The following RBL2 variants were observed in gnomAD, a reference collection of about 807,000 sequenced individuals.
The protein encoded by RBL2 is retinoblastoma-like protein 2.
A neutral mutation model predicts 126.0 loss-of-function variants in RBL2; 56 were observed. That is an observed-to-expected ratio of 0.44 (90% CI 0.36 to 0.56). The LOEUF (loss-of-function observed/expected upper bound fraction) is 0.56, where lower values mean the gene tolerates loss of function less well. RBL2 is among the 20% of genes least tolerant of loss of function. The probability of loss-of-function intolerance (pLI) is 0.00; values close to 1 mark genes in which losing one functional copy is unlikely to be tolerated. For synonymous variants in RBL2, 454 were observed against 478.5 expected (o/e 0.95, Z 0.67); for missense variants, 1,229 against 1,398.2 (o/e 0.88, Z 1.93).
Position 53,465,487 on chromosome 16 carries a change from T to C in RBL2, c.1748T>C (p.Val583Ala). ...RAEDGLCREV[V>A]KHLNQIEEQI... ...GAAGATGGCCTTTGTAGAGAGGTGGTAAAACACCTTAATCAGATTGAAGAA... is the reference window on the plus strand; with the variant it reads ...GAAGATGGCCTTTGTAGAGAGGTGGCAAAACACCTTAATCAGATTGAAGAA... The change falls in exon 13 of 22, where the codon GTA becomes GCA. Residue 583 changes from valine to alanine, a missense_variant. Val to Ala is a moderately conservative substitution (Grantham distance 64). This residue lies in a region of RBL2 where 1,070 missense variants were observed against 1,274.3 expected (regional missense o/e 0.84). Transcript: ENST00000262133. The C allele has an allele frequency of 1.3e-6, 2 of 1,591,552 alleles. No individual in the cohort carries two copies. The highest frequency in any genetic ancestry group is 8.5e-7 in the Non-Finnish European group (1 of 1,169,724).
intron 14 of RBL2, among the ~76,000 whole-genome samples, chr16:53,467,945 C>G (rs559153934): frequency 6.6e-6 from 1 of 152,310 alleles, no homozygotes; most frequent in Non-Finnish European, 1.5e-5. Context: ...GTATGTTCCA[C>G]TTTGTTGAGC....
intron 21 of RBL2, chr16:53,487,633 T>C (rs773301085): frequency 6.6e-6 from 1 of 152,124 alleles, no homozygotes; most frequent in Non-Finnish European, 1.5e-5. Flanking sequence ...TATGGGAAAA[T>C]TTTATATACA....
chr16:53,436,585 G>A (rs2057960618), intron 1 of RBL2, among the ~76,000 whole-genome samples: 1 of 152,168 alleles, frequency 6.6e-6, no homozygotes, highest in Non-Finnish European at 1.5e-5. Context: ...GACAATATGG[G>A]ATGTCATTCT....
chr16:53,441,521 A>G (rs2058016133), intron 2 of RBL2, among the ~76,000 whole-genome samples: 1 of 152,244 alleles, frequency 6.6e-6, no homozygotes, highest in Non-Finnish European at 1.5e-5. Context: ...GTTCATATGA[A>G]AGAATGTTTT....
At position 53,479,938 on chromosome 16, in the gene RBL2, G is replaced by A. The variant is rs767491887; in HGVS notation, c.2828G>A (p.Ser943Asn). ...AAAAGAAAAAGAAGAAATTCTGGCA[G>A]CAGTGATAGCAGAAGCCATCAGAAT... ...KGKRKRRNSGSSDSRSHQNSP... is the reference protein window; with the variant it reads ...KGKRKRRNSGNSDSRSHQNSP... The change falls in exon 19 of 22, where the codon AGC becomes AAC. Residue 943 changes from serine (S) to asparagine (N), a missense_variant. Around this residue, in one of 2 missense-constraint regions of RBL2, gnomAD observed 1,070 missense variants for 1,274.3 expected, o/e 0.84. Transcript: ENST00000262133. 6.2e-7 allele frequency: 1 copy of A among 1,611,892 alleles called. No individual in the cohort carries two copies. The highest frequency in any genetic ancestry group is 1.3e-5 in the African/African-American group (1 of 74,808).
intron 14 of RBL2, among the ~76,000 whole-genome samples, chr16:53,468,726 C>A (rs1274918735): frequency 6.6e-6 from 1 of 152,138 alleles, no homozygotes; most frequent in African/African-American, 2.4e-5. Context: ...TTAGGATTTA[C>A]TCCTATCAGT....
At chr16:53,487,449 C>T (rs1041264765) in intron 21 of RBL2, among the ~76,000 whole-genome samples, 1 of 152,110 alleles carries the variant, frequency 6.6e-6, no homozygotes, top group African/African-American at 2.4e-5. Flanking sequence ...GAAAGGATAG[C>T]CTTTTCAACA....
intron 4 of RBL2, 63 bp downstream of exon 4, chr16:53,447,169 T>C: frequency 1.1e-6 from 1 of 940,222 alleles, no homozygotes; most frequent in South Asian, 1.6e-5. Context: ...GGTATTAATT[T>C]TGTCAACTTC....
intron 21 of RBL2, among the ~76,000 whole-genome samples, chr16:53,485,235 A>G (rs1961119604): frequency 6.6e-6 from 1 of 152,226 alleles, no homozygotes; most frequent in Non-Finnish European, 1.5e-5. Context: ...TCACTATCAC[A>G]ATGGCATTAA....
At chr16:53,442,604 G>C in intron 2 of RBL2, 54 bp from the exon 3 acceptor site, 2 of 1,312,274 alleles carry the variant, frequency 1.5e-6, no homozygotes, top group South Asian at 1.3e-5. Context: ...ACTTACTTTT[G>C]TATACTTTAG....
intron 1 of RBL2, among the ~76,000 whole-genome samples, 163 bp from the exon 2 acceptor site, chr16:53,438,843 CAAAAAAAAAA>C (rs11302382): frequency 1.6e-4 from 5 of 30,532 alleles, no homozygotes; most frequent in African/African-American, 3.8e-4. Context: ...GATTCCATCT[CAAAAAAAAAA>C]AAAAAAAAAA....
At chr16:53,457,542 A>T (rs1028891557) in intron 8 of RBL2, among the ~76,000 whole-genome samples, 3 of 151,908 alleles carry the variant, frequency 2.0e-5, no homozygotes, top group Non-Finnish European at 4.4e-5. Flanking sequence ...TATAGGCGTG[A>T]GCCACCATGC....
intron 8 of RBL2, among the ~76,000 whole-genome samples, chr16:53,459,249 A>G (rs1056848696): frequency 6.6e-6 from 1 of 152,208 alleles, no homozygotes; most frequent in Non-Finnish European, 1.5e-5. Flanking sequence ...TCGTCTTCAC[A>G]TGGATATTGG....
At chr16:53,479,258 A>C in intron 18 of RBL2, 33 bp downstream of exon 18, 1 of 1,574,304 alleles carries the variant, frequency 6.4e-7, no homozygotes, top group Non-Finnish European at 8.7e-7. Context: ...CTGAAAAATA[A>C]AGCTTAAAGT....
At chr16:53,470,692 T>C (rs754319243) in intron 16 of RBL2, 29 bp downstream of exon 16, 61 of 1,612,712 alleles carry the variant, frequency 3.8e-5, no homozygotes, top group Non-Finnish European at 4.8e-5. Flanking sequence ...TATCAGAGCA[T>C]GAGCTTGGGA....
chr16:53,461,944 T>A, intron 10 of RBL2, 94 bp downstream of exon 10: 1 of 1,166,620 alleles, frequency 8.6e-7, no homozygotes. Flanking sequence ...AAAAGATTTA[T>A]GACTTTAGAC....
chr16:53,470,058 T>C lies in RBL2; in HGVS notation c.2118T>C (p.Ala706=). 6.2e-7 allele frequency: 1 copy of C among 1,614,256 alleles called. No homozygotes were observed. The highest frequency in any genetic ancestry group is 8.5e-7 in the Non-Finnish European group (1 of 1,180,026). ...GRMPPQPLVN[A]VPVQNVSGET... ...TGCCCCCACAGCCCCTAGTCAATGC[T>C]GTCCCTGTGCAGAATGTATCTGGGG... Residue 706 remains alanine, a synonymous_variant, in exon 15 of 22, where the codon GCT becomes GCC. Transcript: ENST00000262133.
rs1333197034 is a variant in RBL2 at position 53,434,600 on chromosome 16, C to G, written c.44C>G (p.Pro15Arg). The G allele has an allele frequency of 1.9e-6, 3 of 1,550,394 alleles. No individual in the cohort carries two copies. Among genetic ancestry groups the G allele is most frequent in the Non-Finnish European group, 2.6e-6 (3 of 1,157,412 alleles). ...GDQSPPPPPP[P>R]PAAAASDEEE... ...CAGTCGCCACCGCCCCCGCCTCCCC[C>G]TCCGGCGGCGGCAGCCTCGGATGAG... The change falls in exon 1 of 22, where the codon CCT (proline) becomes CGT (arginine). Residue 15 changes from proline (P) to arginine (R), a missense_variant. Physicochemically the swap from Pro to Arg is moderately radical, Grantham distance 103 (BLOSUM62 -2). Transcript: ENST00000262133.
In RBL2 at chr16:53,479,875, T is replaced by C. The variant is rs1336076594; in HGVS notation, c.2776-11T>C. The stretch of plus-strand genomic sequence containing the variant: ...ACTAGTTTATGTCCCCTTCTCATTG[T>C]TTCTCTAAAGGTGTATAGAAGTGTT... On this transcript the variant is annotated splice_polypyrimidine_tract_variant and intron_variant, in intron 18 of 21. Coordinates refer to ENST00000262133, the MANE Select transcript of RBL2 (RefSeq NM_005611.4). 6.5e-7 allele frequency: 1 copy of C among 1,544,388 alleles called. No individual in the cohort carries two copies. The highest frequency in any genetic ancestry group is 1.2e-5 in the South Asian group (1 of 86,044).
Sources: gnomAD v4.1 joint callset for allele counts (sites outside exome capture counted in the v4.1 genomes callset) on GRCh38, gnomAD v4.1.1 for gene constraint, gnomAD v4.1.1 regional missense constraint, MANE v1.5 for transcripts, NCBI Gene and HGNC (gene_info 2026-07-23, HGNC 2026-07-21) for gene names.